Variants in GABRA2 observed in about 807,000 individuals in gnomAD.
The protein encoded by GABRA2 is gamma-aminobutyric acid receptor subunit alpha-2.
A neutral mutation model predicts 48.7 loss-of-function variants in GABRA2; 16 were observed. The ratio of observed to expected loss-of-function variants is 0.33; its 90% CI spans 0.22 to 0.50. The LOEUF is 0.50. GABRA2 is among the 20% of genes least tolerant of loss of function. The probability of loss-of-function intolerance (pLI) is 0.98; values close to 1 mark genes in which losing one functional copy is unlikely to be tolerated. For missense variants in GABRA2, 275 were observed against 535.6 expected (o/e 0.51, Z 4.80); for synonymous variants, 185 against 184.5 (o/e 1.00, Z -0.02).
chr4:46,268,045 A>C (rs1051890082), intron 8 of GABRA2, among the ~76,000 whole-genome samples: 1 of 149,226 alleles, frequency 6.7e-6, no homozygotes, highest in African/African-American at 2.5e-5. Context: ...CATTCTAAAA[A>C]ATGTATCTTG....
At chr4:46,265,475 TTG>T (rs201487091) in intron 8 of GABRA2, among the ~76,000 whole-genome samples, 8 of 99,432 alleles carry the variant, frequency 8.0e-5, no homozygotes, top group African/African-American at 3.7e-4. Flanking sequence ...ATATAATATA[TTG>T]TGTATATATT....
chr4:46,365,051 T>G (rs560223282), intron 3 of GABRA2: 61 of 152,302 alleles, frequency 4.0e-4, no homozygotes, highest in African/African-American at 1.5e-3. Flanking sequence ...ATTAGAAATC[T>G]AACAGGTAAT....
chr4:46,325,745 T>C (rs1730246894), intron 4 of GABRA2, among the ~76,000 whole-genome samples: 1 of 152,056 alleles, frequency 6.6e-6, no homozygotes, highest in Non-Finnish European at 1.5e-5. Context: ...CTTGAGTTGA[T>C]TTTTGTATAT....
intron 3 of GABRA2, among the ~76,000 whole-genome samples, chr4:46,377,683 G>C (rs1716028123): frequency 6.8e-6 from 1 of 146,814 alleles, no homozygotes; most frequent in African/African-American, 2.5e-5. Flanking sequence ...CTACTGGGAA[G>C]TGAGGAGCCC....
At chr4:46,338,190 G>T (rs1481682834) in intron 3 of GABRA2, among the ~76,000 whole-genome samples, 3 of 152,016 alleles carry the variant, frequency 2.0e-5, no homozygotes, top group East Asian at 3.9e-4. Flanking sequence ...GAAAGTTTTT[G>T]TGTGCATCAT....
chr4:46,387,590 T>C (rs767512665), intron 2 of GABRA2, among the ~76,000 whole-genome samples: 1 of 152,170 alleles, frequency 6.6e-6, no homozygotes, highest in Non-Finnish European at 1.5e-5. Flanking sequence ...AAGATGTTCA[T>C]AAAGTTCCAC....
intron 3 of GABRA2, among the ~76,000 whole-genome samples, chr4:46,362,979 A>G (rs967213306): frequency 2.0e-5 from 3 of 152,204 alleles, no homozygotes; most frequent in Admixed American, 6.5e-5. Flanking sequence ...AGTAAATATA[A>G]TTCAAATCTT....
chr4:46,378,393 T>A (rs940813612), intron 3 of GABRA2, among the ~76,000 whole-genome samples: 20 of 152,114 alleles, frequency 1.3e-4, no homozygotes, highest in African/African-American at 4.6e-4. Flanking sequence ...ATGTGCTGTA[T>A]CCACTCAGGG....
chr4:46,388,802 T>C (rs1717828074), intron 1 of GABRA2, 86 bp from the exon 2 acceptor site: 2 of 1,588,088 alleles, frequency 1.3e-6, no homozygotes, highest in South Asian at 2.3e-5. Flanking sequence ...GAATATCCTT[T>C]TAGTTAGGGA....
chr4:46,264,017 T>A (rs1316627262), intron 8 of GABRA2, among the ~76,000 whole-genome samples: 1 of 151,896 alleles, frequency 6.6e-6, no homozygotes, highest in Admixed American at 6.6e-5. Flanking sequence ...CATTCTATAG[T>A]TTTCAGTGTA....
chr4:46,330,591 T>TATAGAGAGAGAGAGAGAGAGAG (rs1411755120), intron 4 of GABRA2, among the ~76,000 whole-genome samples: 13 of 122,690 alleles, frequency 1.1e-4, no homozygotes, highest in East Asian at 6.2e-4. Flanking sequence ...TATATATATA[T>TATAGAGAGAGAGAGAGAGAGAG]AGAGAGAGAG....
chr4:46,349,131 T>C (rs1734688674), intron 3 of GABRA2, among the ~76,000 whole-genome samples: 1 of 151,936 alleles, frequency 6.6e-6, no homozygotes. Flanking sequence ...CATAATGCTG[T>C]TTCACACAAT....
chr4:46,388,894 C>T (rs1481250588), intron 1 of GABRA2, 178 bp from the exon 2 acceptor site: 1 of 1,327,384 alleles, frequency 7.5e-7, no homozygotes. Context: ...TTTATGGACC[C>T]CCACCCCCAC....
At chr4:46,319,377 T>A (rs1247919717) in intron 4 of GABRA2, among the ~76,000 whole-genome samples, 1 of 151,730 alleles carries the variant, frequency 6.6e-6, no homozygotes, top group Non-Finnish European at 1.5e-5. Context: ...TAAAGGCTAG[T>A]CTCCCTTGAG....
chr4:46,265,052 G>C (rs1219977149), intron 8 of GABRA2, among the ~76,000 whole-genome samples: 1 of 148,102 alleles, frequency 6.8e-6, no homozygotes, highest in African/African-American at 2.5e-5. Context: ...GAGATTGAGA[G>C]AGTCAGTCTT....
intron 3 of GABRA2, among the ~76,000 whole-genome samples, chr4:46,342,017 C>T (rs1733324715): frequency 1.3e-5 from 2 of 151,924 alleles, no homozygotes; most frequent in Admixed American, 1.3e-4. Flanking sequence ...TGACAGTTTG[C>T]TGGTGATGGG....
chr4:46,259,039 G>A (rs778172156), intron 9 of GABRA2, among the ~76,000 whole-genome samples: 7 of 151,788 alleles, frequency 4.6e-5, no homozygotes, highest in Non-Finnish European at 1.0e-4. Flanking sequence ...GGTAAATTAA[G>A]CATATTAAGC....
intron 3 of GABRA2, among the ~76,000 whole-genome samples, chr4:46,356,018 G>C (rs756059825): frequency 6.6e-5 from 10 of 152,110 alleles, no homozygotes; most frequent in Non-Finnish European, 1.2e-4. Flanking sequence ...ACAGAACTTG[G>C]TGAAATGTAG....
At position 46,277,500 on chromosome 4, in the gene GABRA2, C is replaced by T. The variant is rs79362606; in HGVS notation, c.857-15372G>A. On this transcript the variant is annotated intron_variant, in intron 8 of 9. Coordinates refer to ENST00000381620, the MANE Select transcript of GABRA2 (RefSeq NM_000807.4). ...CCTACTACCACCCAGGCATTCTGCT[C>T]CTGCTGCCACCTTCTCACTTACTTT... 7.5e-3 allele frequency among the ~76,000 whole-genome samples: 1,147 copies of T among 152,240 alleles called. 15 individuals are homozygous for T. The highest frequency in any genetic ancestry group is 0.026 in the African/African-American group (1,081 of 41,544).
Sources: gnomAD v4.1 joint callset for allele counts (sites outside exome capture counted in the v4.1 genomes callset) on GRCh38, gnomAD v4.1.1 for gene constraint, MANE v1.5 for transcripts, NCBI Gene and HGNC (gene_info 2026-07-23, HGNC 2026-07-21) for gene names.